Variants in DCAF6 observed in about 807,000 individuals in gnomAD.
DCAF6 encodes the protein DDB1 and CUL4 associated factor 6, also known as DDB1- and CUL4-associated factor 6.
A neutral mutation model predicts 125.1 loss-of-function variants in DCAF6; 54 were observed. That is an observed-to-expected ratio of 0.43 (90% CI 0.35 to 0.54). The LOEUF (loss-of-function observed/expected upper bound fraction) is 0.54, where lower values mean the gene tolerates loss of function less well. DCAF6 is among the 20% of genes least tolerant of loss of function. The pLI is 0.01. For missense variants in DCAF6, 934 were observed against 1,161.7 expected, an observed-to-expected ratio of 0.80 and a Z score of 2.85; for synonymous variants, 371 against 390.4, an observed-to-expected ratio of 0.95 and a Z score of 0.58.
chr1:168,006,835 T>A (rs528241695), intron 10 of DCAF6, among the ~76,000 whole-genome samples: 15 of 152,204 alleles, frequency 9.9e-5, no homozygotes, highest in Non-Finnish European at 2.2e-4. Context: ...TTTACTGATA[T>A]CAAAGAAACG....
chr1:167,990,162 T>C (rs1046463716), intron 5 of DCAF6, among the ~76,000 whole-genome samples: 1 of 152,166 alleles, frequency 6.6e-6, no homozygotes, highest in South Asian at 2.1e-4. Context: ...TAAAATATTA[T>C]GAATAAGCCT....
intron 6 of DCAF6, 93 bp from the exon 7 acceptor site, chr1:167,993,133 T>A (rs745699952): frequency 1.4e-5 from 15 of 1,079,314 alleles, no homozygotes; most frequent in Non-Finnish European, 2.0e-5. Context: ...ATTGCTACAT[T>A]AAGTCACATG....
intron 12 of DCAF6, among the ~76,000 whole-genome samples, chr1:168,032,514 C>G (rs7538251): frequency 0.21 from 31,347 of 152,132 alleles, 3,958 homozygotes; most frequent in Admixed American, 0.37. Context: ...CTTTTCTATA[C>G]AAGTCTAGTA....
At chr1:168,019,620 C>G (rs1340546093) in intron 11 of DCAF6, 4 of 425,064 alleles carry the variant, frequency 9.4e-6, no homozygotes, top group Non-Finnish European at 1.9e-5. Context: ...ACTGACCTAA[C>G]CACCACAGAG....
intron 2 of DCAF6, among the ~76,000 whole-genome samples, chr1:167,954,656 G>A (rs923270498): frequency 2.0e-5 from 3 of 151,650 alleles, no homozygotes; most frequent in African/African-American, 7.3e-5. Context: ...GTTTCACTGT[G>A]TTAGCCAGGA....
At chr1:167,965,869 AGGT>A (rs1280450527) in intron 2 of DCAF6, among the ~76,000 whole-genome samples, 3 of 152,278 alleles carry the variant, frequency 2.0e-5, no homozygotes, top group African/African-American at 7.2e-5. Flanking sequence ...CTCTGACATC[AGGT>A]GATCCACCCG....
At chr1:167,948,475 T>C (rs1673429014) in intron 1 of DCAF6, among the ~76,000 whole-genome samples, 1 of 152,192 alleles carries the variant, frequency 6.6e-6, no homozygotes, top group African/African-American at 2.4e-5. Context: ...ATCCAACATT[T>C]CTTGCCCCAA....
At chr1:168,009,619 C>A (rs1443058854) in intron 10 of DCAF6, among the ~76,000 whole-genome samples, 1 of 151,284 alleles carries the variant, frequency 6.6e-6, no homozygotes, top group Non-Finnish European at 1.5e-5. Flanking sequence ...TTCCTTCTTA[C>A]ACTTTGTTCT....
Position 167,943,111 on chromosome 1 carries a change from G to A in DCAF6, c.97+6103G>A, listed in dbSNP as rs548343145. 3.9e-5 allele frequency among the ~76,000 whole-genome samples: 6 copies of A among 152,186 alleles called. No homozygotes were observed. In the South Asian group the frequency reaches 6.2e-4, roughly 16 times the overall value. ...TTTTTAGTAGAGATGGGGTTTCACCGCGTTAGCCAGGATGGTCTCGATCTC... is the reference window on the plus strand; with the variant it reads ...TTTTTAGTAGAGATGGGGTTTCACCACGTTAGCCAGGATGGTCTCGATCTC... On this transcript the variant is annotated intron_variant, in intron 1 of 21. Transcript: ENST00000367840.
upstream of DCAF6, among the ~76,000 whole-genome samples, chr1:167,931,246 T>C (rs1240342307): frequency 7.9e-5 from 12 of 152,314 alleles, no homozygotes; most frequent in Non-Finnish European, 1.3e-4. Flanking sequence ...TTCCTTTTTA[T>C]GAATTCTTCT....
At chr1:167,891,892 G>C in the DCAF6 span, among the ~76,000 whole-genome samples, 9 of 152,070 alleles carry the variant, frequency 5.9e-5, no homozygotes, top group African/African-American at 1.7e-4. Flanking sequence ...TTGCCTAGAA[G>C]GTCCTGGTTT....
chr1:167,896,600 T>A, the DCAF6 span: 2 of 1,610,342 alleles, frequency 1.2e-6, no homozygotes, highest in South Asian at 1.1e-5. Context: ...CTTACTTTTG[T>A]GCTCACCAGA....
At chr1:167,867,766 G>T in the DCAF6 span, among the ~76,000 whole-genome samples, 58 of 151,930 alleles carry the variant, frequency 3.8e-4, no homozygotes, top group Non-Finnish European at 5.6e-4. Flanking sequence ...ATAAGATGCG[G>T]TTCTTTAAAC....
chr1:167,870,462 TAG>T, the DCAF6 span: 1 of 1,479,504 alleles, frequency 6.8e-7, no homozygotes, highest in South Asian at 1.2e-5. Flanking sequence ...TAAAATAGTC[TAG>T]AGATATAAAA....
At chr1:167,962,487 C>G (rs553606612) in intron 2 of DCAF6, among the ~76,000 whole-genome samples, 1 of 152,248 alleles carries the variant, frequency 6.6e-6, no homozygotes, top group East Asian at 1.9e-4. Flanking sequence ...GCTTTGAACT[C>G]TGGTCTGTCT....
the DCAF6 span, among the ~76,000 whole-genome samples, chr1:167,908,667 C>T: frequency 2.0e-5 from 3 of 152,080 alleles, no homozygotes; most frequent in Admixed American, 6.5e-5. Flanking sequence ...TAAATATGTA[C>T]ACTTTTTGTC....
the DCAF6 span, among the ~76,000 whole-genome samples, chr1:167,876,369 T>C: frequency 2.0e-5 from 3 of 152,168 alleles, no homozygotes; most frequent in African/African-American, 7.2e-5. Flanking sequence ...CACAGGATAC[T>C]GACAGTATCC....
intron 10 of DCAF6, among the ~76,000 whole-genome samples, chr1:168,010,066 G>A (rs1161604117): frequency 2.0e-5 from 3 of 152,134 alleles, no homozygotes; most frequent in African/African-American, 7.2e-5. Flanking sequence ...TACTCTGGCT[G>A]TTTCCATTAA....
At chr1:167,925,447 A>G in the DCAF6 span, among the ~76,000 whole-genome samples, 88 of 87,300 alleles carry the variant, frequency 1.0e-3, no homozygotes, top group Admixed American at 1.5e-3. Context: ...ATACACATAT[A>G]TATATATATA....
Sources: allele counts gnomAD v4.1 joint callset (sites outside exome capture counted in the v4.1 genomes callset), GRCh38; gene constraint gnomAD v4.1.1; transcripts MANE v1.5; gene names NCBI Gene and HGNC (gene_info 2026-07-23, HGNC 2026-07-21).